The following PCBP3 variants were observed in gnomAD, a reference collection of about 807,000 sequenced individuals.
The protein encoded by PCBP3 is poly(rC) binding protein 3, also known as poly(rC)-binding protein 3.
Under a neutral mutation model 52.7 loss-of-function variants are expected in PCBP3, and 25 were observed. That is an observed-to-expected ratio of 0.47 (90% CI 0.35 to 0.66). PCBP3 has a LOEUF of 0.66. Ranked by LOEUF, PCBP3 falls within the 30% of genes least tolerant of loss-of-function variation. The pLI is 0.01. For synonymous variants in PCBP3, 162 were observed against 183.0 expected, an observed-to-expected ratio of 0.89 and a Z score of 0.93; for missense variants, 391 against 490.3, an observed-to-expected ratio of 0.80 and a Z score of 1.91.
intron 5 of PCBP3, among the ~76,000 whole-genome samples, chr21:45,866,844 C>G (rs1432994367): frequency 6.6e-6 from 1 of 152,174 alleles, no homozygotes; most frequent in Non-Finnish European, 1.5e-5. Context: ...GCATGTGCAC[C>G]GTCACGGAGA....
intron 5 of PCBP3, among the ~76,000 whole-genome samples, chr21:45,891,059 T>C (rs13047123): frequency 4.0e-5 from 6 of 148,300 alleles, no homozygotes; most frequent in African/African-American, 1.0e-4. Context: ...GAACTCTGCA[T>C]TGCTGAGGGG....
chr21:45,921,805 C>T (rs527482369), intron 13 of PCBP3, among the ~76,000 whole-genome samples: 21 of 115,000 alleles, frequency 1.8e-4, no homozygotes, highest in Admixed American at 1.3e-3. Flanking sequence ...GGCGACAGAA[C>T]GAGACCCGTT....
rs146069385 is a variant in PCBP3 at position 45,685,662 on chromosome 21, A to G, written c.-200+16710A>G. Reference sequence around the variant, plus strand: ...TCAAACTGCATGGCAATGAGGGGGAATATAAGCAGAGCCTTACAGCATAAC... The same window carrying G: ...TCAAACTGCATGGCAATGAGGGGGAGTATAAGCAGAGCCTTACAGCATAAC... On this transcript the variant is annotated intron_variant, in intron 2 of 17. Transcript: ENST00000681687. Among the ~76,000 whole-genome samples the G allele has an allele frequency of 9.2e-5, 14 of 152,324 alleles. No homozygotes were observed. In the East Asian group the frequency reaches 2.7e-3, roughly 29 times the overall value.
intron 9 of PCBP3, among the ~76,000 whole-genome samples, chr21:45,908,494 G>A (rs2096261377): frequency 6.6e-6 from 1 of 152,210 alleles, no homozygotes. Context: ...TAAGAAGAGG[G>A]CACTTTTCGT....
chr21:45,777,259 G>A (rs879121593), intron 4 of PCBP3, among the ~76,000 whole-genome samples: 7 of 152,082 alleles, frequency 4.6e-5, no homozygotes, highest in African/African-American at 1.4e-4. Flanking sequence ...CTTCTGGCCT[G>A]TAAGGTTTCT....
intron 2 of PCBP3, among the ~76,000 whole-genome samples, chr21:45,683,814 T>A (rs532907256): frequency 9.2e-4 from 140 of 151,820 alleles, no homozygotes; most frequent in African/African-American, 3.3e-3. Context: ...TAGTTCCAGC[T>A]ACTCGGGAGG....
chr21:45,867,645 A>C (rs1019098948), intron 5 of PCBP3, among the ~76,000 whole-genome samples: 1 of 152,270 alleles, frequency 6.6e-6, no homozygotes, highest in African/African-American at 2.4e-5. Flanking sequence ...GAGAGAAGGG[A>C]AATCTCCAGG....
At chr21:45,822,775 C>G (rs1004599327) in intron 4 of PCBP3, among the ~76,000 whole-genome samples, 2 of 152,182 alleles carry the variant, frequency 1.3e-5, no homozygotes, top group African/African-American at 2.4e-5. Context: ...TCTGACTCTT[C>G]TTGGTTTTGG....
intron 4 of PCBP3, among the ~76,000 whole-genome samples, chr21:45,804,569 C>G (rs143028254): frequency 1.1e-3 from 164 of 152,216 alleles, no homozygotes; most frequent in African/African-American, 3.9e-3. Flanking sequence ...TCTGCACCCC[C>G]CTGACCCTGA....
intron 3 of PCBP3, among the ~76,000 whole-genome samples, chr21:45,739,115 G>A (rs1251255913): frequency 2.4e-5 from 3 of 127,452 alleles, no homozygotes; most frequent in Non-Finnish European, 3.2e-5. Flanking sequence ...CGGTCCTCTG[G>A]GTGGCCCCCC....
At chr21:45,711,587 T>G (rs2083843185) in intron 2 of PCBP3, among the ~76,000 whole-genome samples, 1 of 152,206 alleles carries the variant, frequency 6.6e-6, no homozygotes, top group Non-Finnish European at 1.5e-5. Flanking sequence ...TCAATTAGAG[T>G]ACAGTGCTTA....
At chr21:45,650,277 G>C (rs951363725) in intron 1 of PCBP3, among the ~76,000 whole-genome samples, 2 of 152,136 alleles carry the variant, frequency 1.3e-5, no homozygotes, top group African/African-American at 2.4e-5. Context: ...GGTTGAAGCT[G>C]CAATGAACTG....
At position 45,674,811 on chromosome 21, in the gene PCBP3, T is replaced by C. The variant is rs77114856; in HGVS notation, c.-200+5859T>C. 6.5e-3 allele frequency among the ~76,000 whole-genome samples: 984 copies of C among 152,302 alleles called. 10 individuals carry two copies. Among genetic ancestry groups the C allele is most frequent in the African/African-American group, 0.022 (930 of 41,552 alleles). On this transcript the variant is annotated intron_variant, in intron 2 of 17. Coordinates refer to ENST00000681687, the MANE Select transcript of PCBP3 (RefSeq NM_001384156.1). ...ATGAGATGTGATCCGTAGATTCCCA[T>C]AGTGGTCTGTGACCCATGCTGGGAC...
At chr21:45,748,328 T>C (rs1020204993) in intron 3 of PCBP3, among the ~76,000 whole-genome samples, 2 of 152,152 alleles carry the variant, frequency 1.3e-5, no homozygotes, top group Non-Finnish European at 2.9e-5. Flanking sequence ...CTTCATTCTG[T>C]GTAGGGTTCA....
At position 45,933,578 on chromosome 21, in the gene PCBP3, G is replaced by A. The variant is rs114364318; in HGVS notation, c.857-1675G>A. ...TTTTAAATATCACTGTTTATGGAAT[G>A]TGTATAGATAACTGAATAACCAAAT... On this transcript the variant is annotated intron_variant, in intron 15 of 17. Transcript: ENST00000681687. 4.7e-3 allele frequency among the ~76,000 whole-genome samples: 718 copies of A among 152,334 alleles called. 6 individuals carry two copies. Among genetic ancestry groups the A allele is most frequent in the African/African-American group, 0.016 (680 of 41,576 alleles).
chr21:45,759,782 A>G (rs2088444564), intron 4 of PCBP3: 1 of 152,224 alleles, frequency 6.6e-6, no homozygotes, highest in Non-Finnish European at 1.5e-5. Context: ...TACAGTTTCA[A>G]AAACTCTAAC....
chr21:45,893,370 G>C (rs2095731636), intron 5 of PCBP3, among the ~76,000 whole-genome samples: 1 of 152,078 alleles, frequency 6.6e-6, no homozygotes, highest in Non-Finnish European at 1.5e-5. Context: ...TGCCTCACAT[G>C]GTGGGTGGGG....
At chr21:45,869,057 G>A (rs2094886619) in intron 5 of PCBP3, among the ~76,000 whole-genome samples, 1 of 152,222 alleles carries the variant, frequency 6.6e-6, no homozygotes. Context: ...ATAAAGGTGT[G>A]CGTTCTGGCA....
chr21:45,659,217 C>T (rs2080219503), intron 1 of PCBP3, among the ~76,000 whole-genome samples: 1 of 150,822 alleles, frequency 6.6e-6, no homozygotes, highest in Non-Finnish European at 1.5e-5. Context: ...TAAGGTAGAA[C>T]GTTAGGTTAT....
Sources: allele counts gnomAD v4.1 joint callset (sites outside exome capture counted in the v4.1 genomes callset), GRCh38; gene constraint gnomAD v4.1.1; transcripts MANE v1.5; gene names NCBI Gene and HGNC (gene_info 2026-07-23, HGNC 2026-07-21).